LCORL: variants seen among roughly 807,000 people sequenced by gnomAD.
LCORL encodes ligand dependent nuclear receptor corepressor like.
Under a neutral mutation model 141.8 loss-of-function variants are expected in LCORL, and 41 were observed. That is an observed-to-expected ratio of 0.29 (90% confidence interval 0.23 to 0.38). The LOEUF is 0.38. Among genes scored for constraint, LCORL ranks in the 10% least tolerant of loss-of-function variants. LCORL has a pLI of 1.00. For synonymous variants in LCORL, 618 were observed against 694.1 expected (o/e 0.89, Z 1.72); for missense variants, 1,759 against 2,035.0 (o/e 0.86, Z 2.61).
At chr4:17,926,925 C>T (rs1157560270) in intron 4 of LCORL, among the ~76,000 whole-genome samples, 3 of 152,184 alleles carry the variant, frequency 2.0e-5, no homozygotes, top group Non-Finnish European at 4.4e-5. Context: ...TTGCATTAGG[C>T]CATAACCAGA....
chr4:17,886,502 C>T (rs985828709), intron 5 of LCORL, among the ~76,000 whole-genome samples: 3 of 151,840 alleles, frequency 2.0e-5, no homozygotes, highest in Non-Finnish European at 4.4e-5. Context: ...TCAAAGCTGC[C>T]CAGATAATGC....
intron 4 of LCORL, among the ~76,000 whole-genome samples, chr4:17,910,075 A>G (rs982083830): frequency 3.3e-5 from 5 of 152,316 alleles, no homozygotes; most frequent in African/African-American, 1.2e-4. Context: ...TAAAATGAGA[A>G]TATCACTGAG....
intron 1 of LCORL, among the ~76,000 whole-genome samples, chr4:17,987,616 A>T (rs1190782093): frequency 6.6e-6 from 1 of 152,188 alleles, no homozygotes; most frequent in East Asian, 1.9e-4. Context: ...AAAAAAACTG[A>T]CAAACTGCTT....
intron 5 of LCORL, among the ~76,000 whole-genome samples, chr4:17,886,768 A>G (rs991674202): frequency 6.6e-6 from 1 of 152,112 alleles, no homozygotes; most frequent in African/African-American, 2.4e-5. Context: ...AATTTACGAT[A>G]ATGCAACTTT....
At chr4:17,995,206 T>A (rs1267362897) in intron 1 of LCORL, among the ~76,000 whole-genome samples, 1 of 80,362 alleles carries the variant, frequency 1.2e-5, no homozygotes, top group Non-Finnish European at 2.2e-5. Context: ...CTTTTAAGCA[T>A]TTTTTTTTTT....
At chr4:17,852,841 C>T (rs1189532680) in intron 7 of LCORL, among the ~76,000 whole-genome samples, 1 of 152,068 alleles carries the variant, frequency 6.6e-6, no homozygotes, top group Non-Finnish European at 1.5e-5. Context: ...TAAGTCTAAT[C>T]TTCACAAAAG....
chr4:17,876,324 C>T, exon 7 of LCORL: 1 of 1,230,970 alleles, frequency 8.1e-7, no homozygotes, highest in Non-Finnish European at 1.0e-6. Context: ...CTGTTCTTTG[C>T]ATGTCATTCT....
intron 6 of LCORL, among the ~76,000 whole-genome samples, chr4:17,880,078 T>A (rs1445770529): frequency 4.6e-5 from 7 of 151,076 alleles, no homozygotes; most frequent in African/African-American, 1.7e-4. Context: ...TTATTCAATT[T>A]ATTAATAATG....
chr4:17,843,633 C>A, exon 8 of LCORL: 1 of 406,768 alleles, frequency 2.5e-6, no homozygotes, highest in Non-Finnish European at 4.6e-6. Context: ...GTCAGTCACA[C>A]AGATTTATCA....
chr4:17,920,246 G>A (rs1318455753), intron 4 of LCORL, among the ~76,000 whole-genome samples: 1 of 152,170 alleles, frequency 6.6e-6, no homozygotes, highest in African/African-American at 2.4e-5. Flanking sequence ...GCACTGCTTG[G>A]TATGTGGGGA....
chr4:17,863,536 A>G (rs1725260421), intron 7 of LCORL, among the ~76,000 whole-genome samples: 1 of 152,212 alleles, frequency 6.6e-6, no homozygotes, highest in Non-Finnish European at 1.5e-5. Context: ...ATGCTTATAC[A>G]CTGCTGGTGG....
At chr4:17,880,108 G>A (rs574569051) in intron 6 of LCORL, among the ~76,000 whole-genome samples, 2 of 150,882 alleles carry the variant, frequency 1.3e-5, no homozygotes, top group East Asian at 1.9e-4. Context: ...AAATACTATG[G>A]TAGCCAGTAA....
intron 2 of LCORL, among the ~76,000 whole-genome samples, chr4:17,971,784 T>C (rs1715996044): frequency 6.6e-6 from 1 of 151,738 alleles, no homozygotes; most frequent in African/African-American, 2.4e-5. Context: ...AATATAATGA[T>C]AATTAAAAAA....
At chr4:18,007,773 ACT>A (rs1240828970) in intron 1 of LCORL, among the ~76,000 whole-genome samples, 1 of 152,174 alleles carries the variant, frequency 6.6e-6, no homozygotes, top group Non-Finnish European at 1.5e-5. Flanking sequence ...GCAGAAACTC[ACT>A]CTGACAGAGG....
intron 1 of LCORL, among the ~76,000 whole-genome samples, chr4:18,014,933 C>T (rs1326530352): frequency 6.6e-6 from 1 of 152,036 alleles, no homozygotes; most frequent in Non-Finnish European, 1.5e-5. Context: ...AATTTTGGAC[C>T]TATGTCCTTG....
chr4:17,922,707 T>C (rs1266867703), intron 4 of LCORL, among the ~76,000 whole-genome samples: 2 of 151,984 alleles, frequency 1.3e-5, no homozygotes, highest in Non-Finnish European at 2.9e-5. Flanking sequence ...CCTCGCAAGG[T>C]ATCTAGTGTT....
At chr4:17,898,107 T>C (rs1431884013) in intron 5 of LCORL, among the ~76,000 whole-genome samples, 1 of 152,210 alleles carries the variant, frequency 6.6e-6, no homozygotes, top group Non-Finnish European at 1.5e-5. Context: ...CATGATTACA[T>C]ATTTGGTTTG....
At chr4:17,999,003 T>TAC (rs1164083963) in intron 1 of LCORL, among the ~76,000 whole-genome samples, 1 of 65,078 alleles carries the variant, frequency 1.5e-5, no homozygotes, top group African/African-American at 5.5e-5. Context: ...TATATATATA[T>TAC]ACACACATAT....
chr4:17,999,371 G>A (rs1721544170), intron 1 of LCORL, among the ~76,000 whole-genome samples: 3 of 151,420 alleles, frequency 2.0e-5, no homozygotes, highest in Admixed American at 1.3e-4. Flanking sequence ...GGACAATGGC[G>A]TGAACCCGGG....
Sources: allele counts gnomAD v4.1 joint callset (sites outside exome capture counted in the v4.1 genomes callset), GRCh38; gene constraint gnomAD v4.1.1; transcripts MANE v1.5; gene names NCBI Gene and HGNC (gene_info 2026-07-23, HGNC 2026-07-21).